EPHB2: variants seen among roughly 807,000 people sequenced by gnomAD.
The protein encoded by EPHB2 is ephrin type-B receptor 2.
In EPHB2, 18 loss-of-function variants were observed where a neutral mutation model predicts 96.4. That is an observed-to-expected ratio of 0.19 (90% CI 0.13 to 0.28). The LOEUF (loss-of-function observed/expected upper bound fraction) is 0.28. EPHB2 is among the 10% of genes least tolerant of loss of function. The pLI is 1.00. For synonymous variants in EPHB2, 506 were observed against 534.1 expected (o/e 0.95, Z 0.72); for missense variants, 989 against 1,355.4 (o/e 0.73, Z 4.25).
intron 1 of EPHB2, chr1:22,719,545 C>G (rs528511405): frequency 1.3e-5 from 2 of 153,702 alleles, no homozygotes; most frequent in South Asian, 2.1e-4. Flanking sequence ...TACTGACTTG[C>G]AACATACATT....
At chr1:22,787,108 C>T (rs1164233762) in intron 3 of EPHB2, among the ~76,000 whole-genome samples, 2 of 152,168 alleles carry the variant, frequency 1.3e-5, no homozygotes, top group African/African-American at 2.4e-5. Context: ...TGTGGCTCTG[C>T]CTTCTGGAGC....
chr1:22,835,584 C>G (rs1476683107), intron 3 of EPHB2: 3 of 152,210 alleles, frequency 2.0e-5, no homozygotes, highest in African/African-American at 7.2e-5. Context: ...GGCAAATCAT[C>G]TAGAAAATGG....
chr1:22,864,733 A>C (rs1638407059), intron 4 of EPHB2, 144 bp from the exon 5 acceptor site: 1 of 608,274 alleles, frequency 1.6e-6, no homozygotes, highest in African/African-American at 1.9e-5. Context: ...TATTCTAGAA[A>C]CATTTCTCTG....
At chr1:22,788,747 GTTTTTGT>G (rs1644647934) in intron 3 of EPHB2, among the ~76,000 whole-genome samples, 1 of 90,692 alleles carries the variant, frequency 1.1e-5, no homozygotes, top group Non-Finnish European at 2.2e-5. Flanking sequence ...TTTGTCTTTT[GTTTTTGT>G]TTTTTTTTTT....
rs57503593 is a variant in EPHB2, at chr1:22,901,820, A to AGTGTGTGTGTGTGTGTGTGTGT, written c.1766-4162_1766-4141dup. 7.8e-4 allele frequency among the ~76,000 whole-genome samples: 116 copies of AGTGTGTGTGTGTGTGTGTGTGT among 148,570 alleles called. 1 individual carries two copies. The highest frequency in any genetic ancestry group is 2.6e-3 in the African/African-American group (105 of 40,198). On this transcript the variant is annotated intron_variant, in intron 9 of 15. Transcript: ENST00000374630. ...ATTTAACTTCGTGTGTGTGTGTGTG[A>AGTGTGTGTGTGTGTGTGTGTGT]GTGTGTGTGTGTGTGTGTGTGTGTG...
chr1:22,909,213 AGATG>A (rs1427080297), intron 13 of EPHB2, 42 bp downstream of exon 13: 1 of 1,613,808 alleles, frequency 6.2e-7, no homozygotes, highest in East Asian at 2.2e-5. Flanking sequence ...CTGGCCCACC[AGATG>A]GGAGAGGGAA....
At chr1:22,769,359 T>G (rs373655159) in intron 1 of EPHB2, among the ~76,000 whole-genome samples, 3 of 152,292 alleles carry the variant, frequency 2.0e-5, no homozygotes, top group African/African-American at 7.2e-5. Flanking sequence ...ATCAGTAAAT[T>G]TCTTTAAGTC....
At chr1:22,884,800 C>T (rs1639170633) in intron 6 of EPHB2, among the ~76,000 whole-genome samples, 1 of 152,186 alleles carries the variant, frequency 6.6e-6, no homozygotes. Context: ...CCCTCCATCA[C>T]TGCCCAGATG....
At position 22,914,347 on chromosome 1, in the gene EPHB2, C is replaced by G. The variant is rs77863597; in HGVS notation, c.*777C>G. 122 of 155,614 alleles carry G rather than the reference C, an allele frequency of 7.8e-4. 3 individuals are homozygous for G. In the East Asian group the frequency reaches 0.012, roughly 15 times the overall value. 9.6% of individuals were successfully genotyped at this position (155,614 alleles called of 1,614,324 possible). On this transcript the variant is annotated 3_prime_UTR_variant, in exon 16 of 16. Coordinates refer to ENST00000374630, the MANE Select transcript of EPHB2 (RefSeq NM_017449.5). ...ACATATCACGCGCACAGCCTGGCAG[C>G]CTGGCCCTCCTGGTGCCCACTCCCG...
intron 1 of EPHB2, among the ~76,000 whole-genome samples, chr1:22,756,964 G>T (rs1224481079): frequency 1.3e-5 from 2 of 152,192 alleles, no homozygotes; most frequent in East Asian, 1.9e-4. Flanking sequence ...TACATTTTAT[G>T]TGCAGTAAAA....
intron 1 of EPHB2, among the ~76,000 whole-genome samples, chr1:22,760,982 T>G (rs1002266502): frequency 3.3e-5 from 5 of 152,158 alleles, no homozygotes; most frequent in African/African-American, 9.7e-5. Flanking sequence ...ATCCCAATGT[T>G]GAGCCAGGTG....
intron 3 of EPHB2, among the ~76,000 whole-genome samples, chr1:22,830,764 C>T (rs1469187622): frequency 1.3e-5 from 2 of 151,754 alleles, no homozygotes; most frequent in African/African-American, 4.8e-5. Context: ...ACCATCTTGG[C>T]CAGGCTGATC....
In EPHB2 at chr1:22,860,681, G is replaced by A. The variant is rs1343868751; in HGVS notation, c.812-2356G>A. Among the ~76,000 whole-genome samples the A allele has an allele frequency of 1.3e-5, 2 of 152,206 alleles. No homozygotes were observed. The highest frequency in any genetic ancestry group is 3.9e-4 in the East Asian group (2 of 5,192). Reference sequence around the variant, plus strand: ...TGGGCAGGCTGTCTCCAGAGAGGGAGCAGGAGGAGCCTGATCTTGGGGCCA... The same window carrying A: ...TGGGCAGGCTGTCTCCAGAGAGGGAACAGGAGGAGCCTGATCTTGGGGCCA... On this transcript the variant is annotated intron_variant, in intron 3 of 15. Transcript: ENST00000374630. The surrounding 1 kb of genome is among the most constrained non-coding windows in gnomAD (Gnocchi z 4.6).
chr1:22,804,026 T>C (rs773893065), intron 3 of EPHB2, among the ~76,000 whole-genome samples: 14 of 152,300 alleles, frequency 9.2e-5, no homozygotes, highest in Non-Finnish European at 1.5e-4. Flanking sequence ...CATACACATC[T>C]TCACCAATCC....
intron 3 of EPHB2, among the ~76,000 whole-genome samples, chr1:22,824,951 G>A (rs564384330): frequency 7.9e-5 from 12 of 152,332 alleles, no homozygotes; most frequent in South Asian, 6.2e-4. Flanking sequence ...TGGCTCCTCT[G>A]CAGCCCTGCG....
At chr1:22,871,228 A>C (rs1377982311) in intron 5 of EPHB2, among the ~76,000 whole-genome samples, 1 of 152,188 alleles carries the variant, frequency 6.6e-6, no homozygotes, top group East Asian at 1.9e-4. Context: ...GTATCTCTGC[A>C]TCCTCAGGGC....
At chr1:22,796,883 T>C (rs1866791) in intron 3 of EPHB2, among the ~76,000 whole-genome samples, 113,375 of 152,170 alleles carry the variant, frequency 0.75, 42,617 homozygotes, top group Middle Eastern at 0.84. Flanking sequence ...GAAGCAGAAG[T>C]TCAGAGAGGT....
chr1:22,720,669 C>CA (rs1553158002), intron 1 of EPHB2, among the ~76,000 whole-genome samples: 1 of 114,416 alleles, frequency 8.7e-6, no homozygotes, highest in Non-Finnish European at 2.0e-5. Context: ...TTCCCCCCCC[C>CA]CCCCGCCCCA....
chr1:22,843,842 C>T (rs900628279), intron 3 of EPHB2, among the ~76,000 whole-genome samples: 2 of 152,242 alleles, frequency 1.3e-5, no homozygotes, highest in Non-Finnish European at 2.9e-5. Context: ...TACCCAGCCT[C>T]TTGTTCCCTT....
Sources: allele counts gnomAD v4.1 joint callset (sites outside exome capture counted in the v4.1 genomes callset), GRCh38; gene constraint gnomAD v4.1.1; non-coding constraint Gnocchi (gnomAD v3.1); transcripts MANE v1.5; gene names NCBI Gene and HGNC (gene_info 2026-07-23, HGNC 2026-07-21).